EFL1: variants seen among roughly 807,000 people sequenced by gnomAD.
EFL1 encodes elongation factor-like GTPase 1.
Under a neutral mutation model 126.7 loss-of-function variants are expected in EFL1, and 76 were observed. The ratio of observed to expected loss-of-function variants is 0.60; its 90% CI spans 0.50 to 0.73. The LOEUF is 0.73. Ranked by LOEUF, EFL1 falls within the 30% of genes least tolerant of loss-of-function variation. The pLI is 0.00. For synonymous variants in EFL1, 410 were observed against 448.4 expected (o/e 0.91, Z 1.08); for missense variants, 1,128 against 1,343.2 (o/e 0.84, Z 2.50).
At chr15:82,199,875 CAA>C (rs778094045) in intron 15 of EFL1, among the ~76,000 whole-genome samples, 111 of 152,282 alleles carry the variant, frequency 7.3e-4, no homozygotes, top group Non-Finnish European at 1.2e-3. Flanking sequence ...AAAATCATTT[CAA>C]GTTTATATAG....
intron 17 of EFL1, among the ~76,000 whole-genome samples, chr15:82,152,753 T>C (rs1478060065): frequency 6.6e-6 from 1 of 151,990 alleles, no homozygotes; most frequent in Non-Finnish European, 1.5e-5. Flanking sequence ...ATATATGAAA[T>C]ATGAATGCTT....
chr15:82,139,997 A>G (rs2073768057), intron 18 of EFL1, among the ~76,000 whole-genome samples: 1 of 152,242 alleles, frequency 6.6e-6, no homozygotes, highest in African/African-American at 2.4e-5. Flanking sequence ...GTTATTAGGA[A>G]CGGAAATAGG....
intron 19 of EFL1, among the ~76,000 whole-genome samples, chr15:82,137,897 T>C (rs2073738917): frequency 1.3e-5 from 2 of 152,232 alleles, no homozygotes; most frequent in South Asian, 4.1e-4. Context: ...CTGGTTAATG[T>C]CTACTTTTCC....
chr15:82,254,139 G>C (rs781204581), intron 3 of EFL1, among the ~76,000 whole-genome samples: 4 of 152,160 alleles, frequency 2.6e-5, no homozygotes, highest in African/African-American at 7.2e-5. Flanking sequence ...GACCTCTGGC[G>C]AAACGCAATA....
intron 15 of EFL1, among the ~76,000 whole-genome samples, chr15:82,201,796 G>T (rs1373154920): frequency 2.7e-5 from 4 of 146,694 alleles, no homozygotes; most frequent in Admixed American, 6.8e-5. Context: ...TGTCAGAGAA[G>T]AATCTGGGAC....
intron 15 of EFL1, among the ~76,000 whole-genome samples, chr15:82,213,486 C>T (rs1418924271): frequency 6.6e-6 from 1 of 152,192 alleles, no homozygotes; most frequent in Admixed American, 6.5e-5. Flanking sequence ...AATTCAGCAA[C>T]AGAAAGAAAA....
chr15:82,250,369 C>T (rs1048018093), intron 4 of EFL1, among the ~76,000 whole-genome samples: 4 of 116,154 alleles, frequency 3.4e-5, no homozygotes, highest in Non-Finnish European at 5.2e-5. Flanking sequence ...GACTCCACTC[C>T]GATCACCACT....
chr15:82,211,880 C>T (rs1340632953), intron 15 of EFL1, among the ~76,000 whole-genome samples: 3 of 152,278 alleles, frequency 2.0e-5, no homozygotes, highest in African/African-American at 7.2e-5. Context: ...TACTCTTCCT[C>T]CTAATAAACA....
At chr15:82,179,127 G>C (rs745420027) in intron 15 of EFL1, among the ~76,000 whole-genome samples, 1 of 152,126 alleles carries the variant, frequency 6.6e-6, no homozygotes, top group Admixed American at 6.5e-5. Context: ...CAGGGCAACA[G>C]AGTGAGACCC....
intron 15 of EFL1, among the ~76,000 whole-genome samples, chr15:82,180,359 C>CAAAAAAAAAAAACA (rs2074237032): frequency 7.5e-5 from 9 of 120,590 alleles, no homozygotes; most frequent in East Asian, 2.4e-4. Flanking sequence ...ATTAAACTGG[C>CAAAAAAAAAAAACA]AAAAAAAAAA....
chr15:82,221,247 G>A (rs537675537), intron 12 of EFL1, among the ~76,000 whole-genome samples: 1 of 152,004 alleles, frequency 6.6e-6, no homozygotes, highest in South Asian at 2.1e-4. Flanking sequence ...TGCTTTATTT[G>A]CCAATCTCAG....
intron 4 of EFL1, among the ~76,000 whole-genome samples, chr15:82,250,682 G>A (rs1356526384): frequency 1.3e-5 from 2 of 152,062 alleles, no homozygotes; most frequent in African/African-American, 4.8e-5. Context: ...CCAAATCCAA[G>A]GACAACAGTG....
At chr15:82,180,358 GCAAAAAAAAAAAAA>G (rs1476436421) in intron 15 of EFL1, among the ~76,000 whole-genome samples, 3 of 15,612 alleles carry the variant, frequency 1.9e-4, no homozygotes, top group Non-Finnish European at 2.8e-4. Flanking sequence ...GATTAAACTG[GCAAAAAAAAAAAAA>G]CAAAAAAAAA....
intron 15 of EFL1, among the ~76,000 whole-genome samples, chr15:82,201,968 A>G (rs1004878109): frequency 2.6e-5 from 4 of 151,284 alleles, no homozygotes; most frequent in Admixed American, 2.6e-4. Flanking sequence ...TCACACTCCA[A>G]CCCGAATCTG....
chr15:82,174,929 TATG>T (rs1481932095), intron 15 of EFL1, among the ~76,000 whole-genome samples: 1 of 152,210 alleles, frequency 6.6e-6, no homozygotes, highest in African/African-American at 2.4e-5. Flanking sequence ...TCTAGTACAC[TATG>T]ATTTCCTTGA....
intron 18 of EFL1, among the ~76,000 whole-genome samples, chr15:82,144,481 T>C (rs1357378151): frequency 6.6e-6 from 1 of 152,180 alleles, no homozygotes; most frequent in Non-Finnish European, 1.5e-5. Context: ...CTAATCCCAA[T>C]TTCTCATAAA....
rs2074814129 is a variant in EFL1 at position 82,230,849 on chromosome 15, T to G, written c.854A>C (p.Gln285Pro). The change falls in exon 8 of 20, where the codon CAG becomes CCG. Residue 285 changes from glutamine (Q) to proline (P), a missense_variant and splice_region_variant. This residue lies in a region of EFL1 where 316 missense variants were observed against 318.5 expected (regional missense o/e 0.99). Transcript: ENST00000268206. Reference protein sequence around the residue: ...MKAKKIMKGDQAKGKKPLFVQ... With the variant: ...MKAKKIMKGDPAKGKKPLFVQ... ...CAAAAGGGACATATACCACATTACC[T>G]GATCACCCTTCATGATCTTTTTAGC... The G allele has an allele frequency of 1.2e-6, 2 of 1,610,384 alleles. No individual in the cohort carries two copies. Among genetic ancestry groups the G allele is most frequent in the Non-Finnish European group, 1.7e-6 (2 of 1,178,402 alleles).
chr15:82,178,952 C>G (rs1721766881), intron 15 of EFL1, among the ~76,000 whole-genome samples: 1 of 152,006 alleles, frequency 6.6e-6, no homozygotes, highest in Admixed American at 6.6e-5. Flanking sequence ...GGAAACATAG[C>G]AAGACTCTGT....
At chr15:82,257,236 T>C (rs2075074344) in intron 3 of EFL1, among the ~76,000 whole-genome samples, 1 of 152,240 alleles carries the variant, frequency 6.6e-6, no homozygotes, top group Admixed American at 6.5e-5. Flanking sequence ...CTTTTAAGTT[T>C]ACTGGCACAG....
Sources: gnomAD v4.1 joint callset for allele counts (sites outside exome capture counted in the v4.1 genomes callset) on GRCh38, gnomAD v4.1.1 for gene constraint, gnomAD v4.1.1 regional missense constraint, MANE v1.5 for transcripts, NCBI Gene and HGNC (gene_info 2026-07-23, HGNC 2026-07-21) for gene names.